PAK3: variants seen among roughly 807,000 people sequenced by gnomAD.
The protein encoded by PAK3 is p21 (RAC1) activated kinase 3.
A neutral mutation model predicts 41.0 loss-of-function variants in PAK3; 4 were observed. The ratio of observed to expected loss-of-function variants is 0.10; its 90% CI spans 0.05 to 0.22. The LOEUF (loss-of-function observed/expected upper bound fraction) is 0.22. Among genes scored for constraint, PAK3 ranks in the 10% least tolerant of loss-of-function variants. PAK3 has a pLI of 1.00. For missense variants in PAK3, 205 were observed against 409.9 expected (o/e 0.50, Z 4.32); for synonymous variants, 146 against 139.6 (o/e 1.05, Z -0.32).
chrX:111,086,711 G>T (rs1332435910), intron 1 of PAK3, among the ~76,000 whole-genome samples: 1 of 111,452 alleles, frequency 9.0e-6, no homozygotes, highest in African/African-American at 3.3e-5. Context: ...GGTTTGTGGG[G>T]GATGGCACCA....
rs766061485 is a variant in PAK3, at chrX:110,978,193, T to C, written c.-28+33565T>C. 1.4e-3 allele frequency among the ~76,000 whole-genome samples: 162 copies of C among 111,958 alleles called. 1 individual carries two copies. The highest frequency in any genetic ancestry group is 2.7e-3 in the Non-Finnish European group (144 of 53,135). ...AAGTGGTATATTACATTAATTGATT[T>C]TGCAGATGTTAAAACAACCTTGAAT... On this transcript the variant is annotated intron_variant, in intron 1 of 14. Coordinates refer to the PAK3 transcript ENST00000425146.
intron 1 of PAK3, among the ~76,000 whole-genome samples, chrX:110,967,913 A>G (rs1362388907): frequency 8.9e-6 from 1 of 111,871 alleles, no homozygotes; most frequent in Non-Finnish European, 1.9e-5. Context: ...GTCCAACAAC[A>G]CAGTCAAGAT....
rs1013400000 is a variant in PAK3 at position 111,224,422 on chromosome X, C to T, written c.*3975C>T. 1 of 111,594 alleles carries T rather than the reference C, an allele frequency of 9.0e-6. No individual in the cohort carries two copies. The highest frequency in any genetic ancestry group is 1.9e-5 in the Non-Finnish European group (1 of 53,136). 9.2% of individuals were successfully genotyped at this position (111,594 alleles called of 1,213,427 possible). A position where few individuals can be genotyped will look rare whatever the true frequency, so the allele number is the denominator to read the frequency against. ...TTTGGAGGACTAGAAGGATAAAATC[C>T]CCAGCTCCCACCATTTTCTTGTCCA... On this transcript the variant is annotated 3_prime_UTR_variant, in exon 18 of 18. Coordinates refer to ENST00000372007, the MANE Select transcript of PAK3 (RefSeq NM_002578.5).
intron 1 of PAK3, among the ~76,000 whole-genome samples, chrX:111,065,188 T>C (rs1390602188): frequency 1.5e-4 from 17 of 111,977 alleles, no homozygotes; most frequent in African/African-American, 4.9e-4. Flanking sequence ...ACATTGGCTA[T>C]GGGTTTGTCT....
chrX:111,160,907 A>G (rs1208249562), intron 8 of PAK3, among the ~76,000 whole-genome samples: 93 of 112,547 alleles, frequency 8.3e-4, no homozygotes, highest in African/African-American at 2.7e-3. Flanking sequence ...GCTATTGTGA[A>G]TAGTGCCACA....
rs6642883 is a variant in PAK3 at position 111,225,348 on chromosome X, C to T, written c.*4901C>T. 1 of 112,157 alleles carries T rather than the reference C, an allele frequency of 8.9e-6. No homozygotes were observed. The highest frequency in any genetic ancestry group is 2.8e-4 in the East Asian group (1 of 3,575). The allele number at this position is 112,157 out of a possible 1,213,427, so 9.2% of individuals were successfully genotyped here. A position where few individuals can be genotyped will look rare whatever the true frequency, so the allele number is the denominator to read the frequency against. On this transcript the variant is annotated 3_prime_UTR_variant, in exon 18 of 18. Coordinates refer to ENST00000372007, the MANE Select transcript of PAK3 (RefSeq NM_002578.5). ...AATGCGGGAACTGAGATATCACCTC[C>T]ATGTGCACACCTGTGTGTACGAGTA...
At chrX:111,147,632 A>G in intron 6 of PAK3, 105 bp from the exon 7 acceptor site, 2 of 592,228 alleles carry the variant, frequency 3.4e-6, no homozygotes, top group African/African-American at 2.2e-5. Flanking sequence ...CCCAAGTGTA[A>G]TCCTACAGGT....
intron 10 of PAK3, among the ~76,000 whole-genome samples, chrX:111,167,668 G>A (rs1164142715): frequency 6.1e-5 from 6 of 98,652 alleles, no homozygotes; most frequent in African/African-American, 2.3e-4. Context: ...AGTGGGAGTT[G>A]AACAATGAGA....
Position 111,026,473 on chromosome X carries a change from T to C in PAK3, c.-28+81845T>C, listed in dbSNP as rs138357672. On this transcript the variant is annotated intron_variant, in intron 1 of 14. Coordinates refer to the PAK3 transcript ENST00000425146. ...TCGGCAAAGTTTTAGGATACAAAAT[T>C]AATGTACACAAATCAGTATCTCTGC... Among the ~76,000 whole-genome samples the C allele has an allele frequency of 4.3e-3, 481 of 111,579 alleles. 1 individual carries two copies. The highest frequency in any genetic ancestry group is 0.015 in the African/African-American group (463 of 30,813).
At chrX:111,127,485 A>G (rs1026335588) in intron 5 of PAK3, among the ~76,000 whole-genome samples, 2 of 110,777 alleles carry the variant, frequency 1.8e-5, no homozygotes, top group African/African-American at 3.3e-5. Context: ...AAGATTGAGG[A>G]TTTATTTTGT....
chrX:111,022,247 C>T (rs766870310), intron 1 of PAK3, among the ~76,000 whole-genome samples: 7 of 111,805 alleles, frequency 6.3e-5, no homozygotes, highest in African/African-American at 1.9e-4. Flanking sequence ...AAAGTCAAGA[C>T]AAAGAAAAGA....
At chrX:110,990,349 TG>T (rs2091620656) in intron 1 of PAK3, among the ~76,000 whole-genome samples, 1 of 111,922 alleles carries the variant, frequency 8.9e-6, no homozygotes, top group Non-Finnish European at 1.9e-5. Context: ...AGCAAAATAA[TG>T]ATTAAGCACC....
intron 10 of PAK3, among the ~76,000 whole-genome samples, chrX:111,165,191 G>A (rs2094240345): frequency 8.9e-6 from 1 of 111,798 alleles, no homozygotes; most frequent in African/African-American, 3.3e-5. Flanking sequence ...GGCAAAGGTC[G>A]GAGTTGCAGC....
chrX:111,001,825 T>C (rs960783997), intron 1 of PAK3, among the ~76,000 whole-genome samples: 2 of 110,432 alleles, frequency 1.8e-5, no homozygotes, highest in East Asian at 2.8e-4. Context: ...TCACCAACTA[T>C]GCAGAAGCAG....
At chrX:111,098,342 AAAAAAATCAGGTGTAC>A (rs1223158152) in intron 3 of PAK3, among the ~76,000 whole-genome samples, 1 of 110,081 alleles carries the variant, frequency 9.1e-6, no homozygotes, top group Non-Finnish European at 1.9e-5. Flanking sequence ...AAAAAAAAAA[AAAAAAATCAGGTGTAC>A]AGATCAGATG....
chrX:111,063,164 G>T lies in PAK3; in HGVS notation c.-27-59913G>T, dbSNP rs1258649295. Among the ~76,000 whole-genome samples, 10 of 112,171 alleles carry T rather than the reference G, an allele frequency of 8.9e-5. No individual in the cohort carries two copies. In the Admixed American group the frequency reaches 9.4e-4, roughly 11 times the overall value. On this transcript the variant is annotated intron_variant, in intron 1 of 14. Coordinates refer to the PAK3 transcript ENST00000425146. The stretch of plus-strand genomic sequence containing the variant: ...TTAGTCCAGTTGTAGTCAAATGGAA[G>T]AACTGAATATTTATAGACCTGGATT...
At chrX:111,005,923 T>C (rs1454561775) in intron 1 of PAK3, among the ~76,000 whole-genome samples, 1 of 111,523 alleles carries the variant, frequency 9.0e-6, no homozygotes, top group Non-Finnish European at 1.9e-5. Flanking sequence ...AGACAGTTAA[T>C]TATGTCAGAA....
intron 1 of PAK3, among the ~76,000 whole-genome samples, chrX:110,973,288 G>T (rs891493528): frequency 9.0e-6 from 1 of 111,671 alleles, no homozygotes; most frequent in Non-Finnish European, 1.9e-5. Context: ...TGAAATGAAG[G>T]AAAAAGTGTT....
chrX:111,116,393 G>A (rs906225878), intron 4 of PAK3, among the ~76,000 whole-genome samples: 11 of 111,152 alleles, frequency 9.9e-5, no homozygotes, highest in African/African-American at 3.3e-4. Flanking sequence ...ATAATGCATC[G>A]GTTTGCAAAT....
Sources: gnomAD v4.1 joint callset for allele counts (sites outside exome capture counted in the v4.1 genomes callset) on GRCh38, gnomAD v4.1.1 for gene constraint, MANE v1.5 for transcripts, NCBI Gene and HGNC (gene_info 2026-07-23, HGNC 2026-07-21) for gene names.